Variants in CACNA2D3 observed in about 807,000 individuals in gnomAD.
CACNA2D3 encodes voltage-dependent calcium channel subunit alpha-2/delta-3.
CACNA2D3 carries 60 observed loss-of-function variants against 160.6 expected under a neutral mutation model. The ratio of observed to expected loss-of-function variants is 0.37; its 90% CI spans 0.30 to 0.46. The LOEUF (loss-of-function observed/expected upper bound fraction) is 0.46. Ranked by LOEUF, CACNA2D3 falls within the 20% of genes least tolerant of loss-of-function variation. The probability of loss-of-function intolerance (pLI) is 1.00; values close to 1 mark genes in which losing one functional copy is unlikely to be tolerated. For synonymous variants in CACNA2D3, 558 were observed against 492.9 expected (o/e 1.13, Z -1.75); for missense variants, 1,205 against 1,365.0 (o/e 0.88, Z 1.85).
chr3:54,227,072 C>T (rs1194538427), intron 2 of CACNA2D3, among the ~76,000 whole-genome samples: 2 of 152,196 alleles, frequency 1.3e-5, no homozygotes, highest in African/African-American at 2.4e-5. Context: ...TTTGTCCTGG[C>T]AGACCGGCAG....
chr3:54,878,394 G>T (rs77997915), intron 18 of CACNA2D3, among the ~76,000 whole-genome samples: 3,603 of 152,154 alleles, frequency 0.024, 116 homozygotes, highest in African/African-American at 0.076. Context: ...TCAGCTGGGG[G>T]TGGGGGAGGA....
At chr3:54,193,053 C>T (rs1029608536) in intron 2 of CACNA2D3, among the ~76,000 whole-genome samples, 4 of 152,194 alleles carry the variant, frequency 2.6e-5, no homozygotes, top group African/African-American at 7.2e-5. Flanking sequence ...CTTGGCCAGG[C>T]GCTCTGCTAA....
chr3:54,472,367 C>G (rs979640206), intron 4 of CACNA2D3, among the ~76,000 whole-genome samples: 2 of 152,170 alleles, frequency 1.3e-5, no homozygotes, highest in East Asian at 1.9e-4. Flanking sequence ...TAAAAACTTT[C>G]AATAAACTAG....
intron 2 of CACNA2D3, among the ~76,000 whole-genome samples, chr3:54,316,615 A>T (rs1436446478): frequency 1.3e-5 from 2 of 152,210 alleles, no homozygotes; most frequent in African/African-American, 4.8e-5. Context: ...TGCTCAGCTT[A>T]TCCCAGATCT....
At chr3:54,594,696 A>G (rs1413339911) in intron 9 of CACNA2D3, among the ~76,000 whole-genome samples, 1 of 152,230 alleles carries the variant, frequency 6.6e-6, no homozygotes, top group Non-Finnish European at 1.5e-5. Context: ...ATAGAGATAG[A>G]GATAAGAAAT....
intron 14 of CACNA2D3, among the ~76,000 whole-genome samples, chr3:54,822,798 T>TCCTTCCTTC (rs1408186391): frequency 4.5e-4 from 37 of 81,904 alleles, no homozygotes; most frequent in Non-Finnish European, 7.0e-4. Flanking sequence ...TTCCTTTCTT[T>TCCTTCCTTC]CTTTCTTTCT....
At chr3:54,540,128 CATG>C (rs1389701285) in intron 5 of CACNA2D3, among the ~76,000 whole-genome samples, 2 of 152,166 alleles carry the variant, frequency 1.3e-5, no homozygotes, top group African/African-American at 4.8e-5. Flanking sequence ...GGCTATTGAA[CATG>C]ATGATTGTCC....
intron 35 of CACNA2D3, among the ~76,000 whole-genome samples, chr3:55,025,792 A>G (rs1233669194): frequency 6.6e-6 from 1 of 152,148 alleles, no homozygotes; most frequent in African/African-American, 2.4e-5. Flanking sequence ...TGCTAGCAGC[A>G]GTGAAAAGAC....
At chr3:54,305,688 T>C (rs1703582704) in intron 2 of CACNA2D3, among the ~76,000 whole-genome samples, 1 of 152,234 alleles carries the variant, frequency 6.6e-6, no homozygotes, top group Admixed American at 6.5e-5. Context: ...CAGGACTTCT[T>C]GGAAGTGCAC....
At chr3:55,007,942 T>A in intron 33 of CACNA2D3, 100 bp downstream of exon 33, 1 of 733,464 alleles carries the variant, frequency 1.4e-6, no homozygotes, top group Non-Finnish European at 2.1e-6. Flanking sequence ...TCAATAACCA[T>A]TAGATTCCTA....
chr3:54,894,015 ACAACCC>A (rs1700128409), intron 25 of CACNA2D3, among the ~76,000 whole-genome samples: 1 of 152,238 alleles, frequency 6.6e-6, no homozygotes, highest in Non-Finnish European at 1.5e-5. Flanking sequence ...TAATTCTGAT[ACAACCC>A]TGGTAAAGTG....
chr3:54,233,956 C>G (rs1283872231), intron 2 of CACNA2D3, among the ~76,000 whole-genome samples: 2 of 151,970 alleles, frequency 1.3e-5, no homozygotes, highest in African/African-American at 4.8e-5. Flanking sequence ...TCATCCTGGA[C>G]ATAGGAACGG....
At chr3:54,602,064 T>A (rs1703069287) in intron 9 of CACNA2D3, among the ~76,000 whole-genome samples, 1 of 152,146 alleles carries the variant, frequency 6.6e-6, no homozygotes, top group Non-Finnish European at 1.5e-5. Context: ...CACACAGTCC[T>A]CCACCACAGT....
intron 4 of CACNA2D3, among the ~76,000 whole-genome samples, chr3:54,419,776 T>C (rs1487197602): frequency 6.6e-6 from 1 of 152,196 alleles, no homozygotes; most frequent in Non-Finnish European, 1.5e-5. Context: ...TTTAATTTTT[T>C]GTTTTATGAG....
intron 3 of CACNA2D3, among the ~76,000 whole-genome samples, chr3:54,381,467 A>G (rs1436779559): frequency 6.6e-6 from 1 of 152,200 alleles, no homozygotes; most frequent in Admixed American, 6.5e-5. Context: ...TTAAGCCAAA[A>G]TGGCCAGGAA....
chr3:54,747,002 A>AT (rs200702287), intron 11 of CACNA2D3, among the ~76,000 whole-genome samples: 2,081 of 152,040 alleles, frequency 0.014, 19 homozygotes, highest in Non-Finnish European at 0.022. Context: ...CAGCTTCTCT[A>AT]TTTTTTTAAC....
chr3:54,563,518 C>A (rs529684559), intron 6 of CACNA2D3, among the ~76,000 whole-genome samples: 1 of 152,280 alleles, frequency 6.6e-6, no homozygotes, highest in African/African-American at 2.4e-5. Context: ...GTCCATCATG[C>A]CTTTGGAACA....
chr3:54,175,355 G>A (rs1380869945), intron 2 of CACNA2D3, among the ~76,000 whole-genome samples: 1 of 152,036 alleles, frequency 6.6e-6, no homozygotes, highest in South Asian at 2.1e-4. Flanking sequence ...GGTGGTTTAC[G>A]CCTGTAATCC....
At chr3:54,361,123 T>A (rs535183616) in intron 3 of CACNA2D3, among the ~76,000 whole-genome samples, 2 of 152,132 alleles carry the variant, frequency 1.3e-5, no homozygotes, top group South Asian at 4.2e-4. Context: ...CTGTGAAACA[T>A]GCCAGTGAAA....
Sources: gnomAD v4.1 joint callset for allele counts (sites outside exome capture counted in the v4.1 genomes callset) on GRCh38, gnomAD v4.1.1 for gene constraint, MANE v1.5 for transcripts, NCBI Gene and HGNC (gene_info 2026-07-23, HGNC 2026-07-21) for gene names.